The following CADM2 variants were observed in gnomAD, a reference collection of about 807,000 sequenced individuals.
CADM2 encodes the protein immunoglobulin superfamily member 4D.
A neutral mutation model predicts 49.8 loss-of-function variants in CADM2; 12 were observed. That is an observed-to-expected ratio of 0.24 (90% CI 0.15 to 0.39). The LOEUF (loss-of-function observed/expected upper bound fraction) is 0.39, where lower values mean the gene tolerates loss of function less well. CADM2 is among the 10% of genes least tolerant of loss of function. The probability of loss-of-function intolerance (pLI) is 1.00; values close to 1 mark genes in which losing one functional copy is unlikely to be tolerated. For synonymous variants in CADM2, 214 were observed against 175.4 expected (o/e 1.22, Z -1.74); for missense variants, 378 against 492.3 (o/e 0.77, Z 2.20).
chr3:85,132,528 G>A (rs1376173835), intron 1 of CADM2, among the ~76,000 whole-genome samples: 2 of 151,954 alleles, frequency 1.3e-5, no homozygotes, highest in African/African-American at 4.8e-5. Context: ...CTCTACAACT[G>A]ATATTTCAAG....
At chr3:85,636,172 G>A (rs1274539506) in intron 1 of CADM2, among the ~76,000 whole-genome samples, 3 of 152,170 alleles carry the variant, frequency 2.0e-5, no homozygotes, top group African/African-American at 7.2e-5. Flanking sequence ...AGAAGGCATT[G>A]TTATCATAGG....
chr3:85,970,455 T>C (rs1281699366), intron 8 of CADM2, among the ~76,000 whole-genome samples: 1 of 151,540 alleles, frequency 6.6e-6, no homozygotes, highest in Non-Finnish European at 1.5e-5. Flanking sequence ...GTTCTAAGGA[T>C]ATGTCAAAGT....
At chr3:85,558,071 A>T (rs768623136) in intron 1 of CADM2, among the ~76,000 whole-genome samples, 4 of 152,082 alleles carry the variant, frequency 2.6e-5, no homozygotes, top group Non-Finnish European at 5.9e-5. Flanking sequence ...TATTTTAAGA[A>T]TGCAGATCAC....
chr3:85,883,225 T>C (rs1265599853), intron 3 of CADM2, 66 bp from the exon 4 acceptor site: 1 of 1,306,176 alleles, frequency 7.7e-7, no homozygotes, highest in Non-Finnish European at 1.1e-6. Context: ...GTTGAAAATA[T>C]ATAGTCTAAA....
chr3:85,722,970 T>C (rs1253458035), intron 1 of CADM2, among the ~76,000 whole-genome samples: 1 of 152,200 alleles, frequency 6.6e-6, no homozygotes, highest in Non-Finnish European at 1.5e-5. Flanking sequence ...TTGTACTTTA[T>C]GATTATTTGT....
chr3:85,511,505 G>T (rs962752829), intron 1 of CADM2, among the ~76,000 whole-genome samples: 1 of 152,024 alleles, frequency 6.6e-6, no homozygotes, highest in African/African-American at 2.4e-5. Context: ...TAATACATTT[G>T]TAATAAGGAT....
intron 1 of CADM2, among the ~76,000 whole-genome samples, chr3:85,695,979 A>T (rs1340902325): frequency 6.6e-6 from 1 of 152,074 alleles, no homozygotes; most frequent in Non-Finnish European, 1.5e-5. Flanking sequence ...AATTGTGTTT[A>T]TATTAAGTGT....
chr3:85,294,149 A>G (rs1443696882), intron 1 of CADM2, among the ~76,000 whole-genome samples: 1 of 152,094 alleles, frequency 6.6e-6, no homozygotes, highest in Non-Finnish European at 1.5e-5. Flanking sequence ...CCAACAACAG[A>G]CAAACAGAGA....
intron 1 of CADM2, among the ~76,000 whole-genome samples, chr3:85,167,219 G>T (rs1334473716): frequency 3.9e-5 from 6 of 151,970 alleles, no homozygotes; most frequent in Non-Finnish European, 7.4e-5. Flanking sequence ...GATTTAAATG[G>T]TTTTCGCTCC....
At chr3:85,073,787 A>G (rs2036843003) in intron 1 of CADM2, among the ~76,000 whole-genome samples, 1 of 152,144 alleles carries the variant, frequency 6.6e-6, no homozygotes, top group South Asian at 2.1e-4. Flanking sequence ...GGTATTTCAC[A>G]CTGACAGCAC....
At chr3:85,901,227 A>G (rs1170512019) in intron 5 of CADM2, among the ~76,000 whole-genome samples, 1 of 152,126 alleles carries the variant, frequency 6.6e-6, no homozygotes. Flanking sequence ...ACAAACAAAC[A>G]TAAAAAGACA....
At chr3:85,549,388 T>C (rs1357584361) in intron 1 of CADM2, among the ~76,000 whole-genome samples, 2 of 152,102 alleles carry the variant, frequency 1.3e-5, no homozygotes, top group Admixed American at 6.6e-5. Flanking sequence ...GTGTTTGCGG[T>C]TAATTTTGAA....
intron 5 of CADM2, among the ~76,000 whole-genome samples, chr3:85,902,236 A>C (rs1315951819): frequency 6.6e-6 from 1 of 152,024 alleles, no homozygotes; most frequent in African/African-American, 2.4e-5. Context: ...TAATTGTTAT[A>C]TCTTTCTAAT....
rs1255181719 is a variant in CADM2, at chr3:85,288,795, CT to C, written c.61+329128del. On this transcript the variant is annotated intron_variant, in intron 1 of 9. Coordinates refer to ENST00000383699, the MANE Select transcript of CADM2 (RefSeq NM_001167675.2). ...TGCTTTACCAATATGCCCCCCCCCC[CT>C]CTTTTTTTCCATCATGGCTAATTTC... Among the ~76,000 whole-genome samples the C allele has an allele frequency of 1.3e-3, 177 of 131,476 alleles. 2 individuals are homozygous for C. Among genetic ancestry groups the C allele is most frequent in the East Asian group, 4.9e-3 (18 of 3,672 alleles). 86.3% of individuals were successfully genotyped at this position (131,476 alleles called of 152,430 possible).
At chr3:85,219,406 T>C (rs2041998240) in intron 1 of CADM2, among the ~76,000 whole-genome samples, 1 of 152,168 alleles carries the variant, frequency 6.6e-6, no homozygotes, top group Non-Finnish European at 1.5e-5. Flanking sequence ...AACTGTTAAA[T>C]TCAAAACAGA....
intron 1 of CADM2, among the ~76,000 whole-genome samples, chr3:85,235,141 G>A (rs923291915): frequency 1.3e-5 from 2 of 151,636 alleles, no homozygotes; most frequent in African/African-American, 4.8e-5. Context: ...ATCTCTAAAC[G>A]GAAAAAAATT....
chr3:85,726,003 TC>T (rs2107781495), intron 1 of CADM2, among the ~76,000 whole-genome samples: 1 of 152,064 alleles, frequency 6.6e-6, no homozygotes, highest in African/African-American at 2.4e-5. Context: ...ATTCCCAGTT[TC>T]CACATCTATG....
chr3:85,808,859 C>T (rs918586950), intron 3 of CADM2, among the ~76,000 whole-genome samples: 1 of 152,040 alleles, frequency 6.6e-6, no homozygotes, highest in Non-Finnish European at 1.5e-5. Context: ...AGAGGAAAAA[C>T]ATGAGTAAAT....
At chr3:85,522,558 T>C (rs1367165759) in intron 1 of CADM2, among the ~76,000 whole-genome samples, 3 of 152,146 alleles carry the variant, frequency 2.0e-5, no homozygotes, top group African/African-American at 7.2e-5. Flanking sequence ...TCATTGTCAT[T>C]GTTATTAGTA....
Sources: gnomAD v4.1 joint callset for allele counts (sites outside exome capture counted in the v4.1 genomes callset) on GRCh38, gnomAD v4.1.1 for gene constraint, MANE v1.5 for transcripts, NCBI Gene and HGNC (gene_info 2026-07-23, HGNC 2026-07-21) for gene names.